ATXN1: variants seen among roughly 807,000 people sequenced by gnomAD.
ATXN1 encodes ataxin-1.
Under a neutral mutation model 56.4 loss-of-function variants are expected in ATXN1, and 8 were observed. That is an observed-to-expected ratio of 0.14 (90% confidence interval 0.08 to 0.26). The LOEUF (loss-of-function observed/expected upper bound fraction) is 0.26, where lower values mean the gene tolerates loss of function less well. Ranked by LOEUF, ATXN1 falls within the 10% of genes least tolerant of loss-of-function variation. The pLI is 1.00. For missense variants in ATXN1, 987 were observed against 1,106.5 expected (o/e 0.89, Z 1.53); for synonymous variants, 514 against 494.6 (o/e 1.04, Z -0.52).
At chr6:16,362,272 A>G (rs1030039242) in intron 6 of ATXN1, among the ~76,000 whole-genome samples, 2 of 152,202 alleles carry the variant, frequency 1.3e-5, no homozygotes, top group Non-Finnish European at 2.9e-5. Context: ...GGCTCTGAAG[A>G]GATGCTTGTA....
In ATXN1 at chr6:16,760,652, G is replaced by A. The variant is rs1761059779; in HGVS notation, c.-730+646C>T. On this transcript the variant is annotated intron_variant, in intron 1 of 7. Coordinates refer to ENST00000436367, the MANE Select transcript of ATXN1 (RefSeq NM_001128164.2). The surrounding 1 kb of genome is among the most constrained non-coding windows in gnomAD (Gnocchi z 5.3). ...CCCCGCCCGCAGCCGCACACCCGGC[G>A]AGGCCGGCCCTCCGAGGGGAGACCC... is the stretch of plus-strand genomic sequence containing the variant. Among the ~76,000 whole-genome samples, 1 of 150,846 alleles carries A rather than the reference G, an allele frequency of 6.6e-6. No homozygotes were observed. Among genetic ancestry groups the A allele is most frequent in the Non-Finnish European group, 1.5e-5 (1 of 67,596 alleles).
In ATXN1 at chr6:16,415,184, A is replaced by C. The variant is rs555438522; in HGVS notation, c.-161+70788T>G. 2.6e-5 allele frequency among the ~76,000 whole-genome samples: 4 copies of C among 152,258 alleles called. No homozygotes were observed. The South Asian group carries it at 8.3e-4, about 32-fold the overall frequency. On this transcript the variant is annotated intron_variant, in intron 6 of 7. Transcript: ENST00000436367. ...ATATAATAAAATAGAAATTTGGCCAATTAATTAATATTAGGCAGTGAAACA... is the reference window on the plus strand; with the variant it reads ...ATATAATAAAATAGAAATTTGGCCACTTAATTAATATTAGGCAGTGAAACA...
intron 2 of ATXN1, among the ~76,000 whole-genome samples, chr6:16,720,761 A>C (rs1186655824): frequency 1.3e-5 from 2 of 152,182 alleles, no homozygotes; most frequent in African/African-American, 4.8e-5. Context: ...CAGCTATGTG[A>C]GCCTGAGTAA....
At chr6:16,707,922 A>C (rs1231991624) in intron 2 of ATXN1, among the ~76,000 whole-genome samples, 1 of 152,250 alleles carries the variant, frequency 6.6e-6, no homozygotes, top group Non-Finnish European at 1.5e-5. Flanking sequence ...CAAAACAAAA[A>C]GTAAAGCCAA....
At chr6:16,441,946 G>T (rs1759525365) in intron 6 of ATXN1, among the ~76,000 whole-genome samples, 2 of 152,232 alleles carry the variant, frequency 1.3e-5, no homozygotes, top group African/African-American at 4.8e-5. Context: ...AATAAAAACA[G>T]CAAATGCTTA....
intron 6 of ATXN1, among the ~76,000 whole-genome samples, chr6:16,465,031 G>A (rs1021527336): frequency 3.9e-5 from 6 of 152,140 alleles, no homozygotes; most frequent in Admixed American, 2.6e-4. Context: ...CAATTTTTCT[G>A]TAAACCTAAA....
intron 6 of ATXN1, among the ~76,000 whole-genome samples, chr6:16,413,394 G>A (rs7770062): frequency 0.13 from 20,149 of 151,840 alleles, 1,424 homozygotes; most frequent in Admixed American, 0.15. Flanking sequence ...AAGAAGATGC[G>A]GCTCGGGACC....
At chr6:16,334,655 T>G (rs1761075777) in intron 6 of ATXN1, among the ~76,000 whole-genome samples, 1 of 152,176 alleles carries the variant, frequency 6.6e-6, no homozygotes, top group African/African-American at 2.4e-5. Flanking sequence ...AGGTTGAGGC[T>G]GCAGTGAGCC....
chr6:16,674,827 G>A (rs1758626064), intron 2 of ATXN1, among the ~76,000 whole-genome samples: 1 of 152,152 alleles, frequency 6.6e-6, no homozygotes, highest in African/African-American at 2.4e-5. Context: ...AATGGCCACT[G>A]TACTGGAGTA....
At chr6:16,664,209 CAT>C (rs1399239591) in intron 2 of ATXN1, among the ~76,000 whole-genome samples, 2 of 152,174 alleles carry the variant, frequency 1.3e-5, no homozygotes, top group South Asian at 4.1e-4. Flanking sequence ...TTTAAAAAAA[CAT>C]ATGCATTTGG....
At chr6:16,395,270 C>CAAAAA (rs748314030) in intron 6 of ATXN1, among the ~76,000 whole-genome samples, 13 of 48,424 alleles carry the variant, frequency 2.7e-4, no homozygotes, top group East Asian at 5.8e-4. Flanking sequence ...AACTCCGTCT[C>CAAAAA]AAAAAAAAAA....
At chr6:16,725,886 G>A (rs1276296799) in intron 2 of ATXN1, among the ~76,000 whole-genome samples, 1 of 152,216 alleles carries the variant, frequency 6.6e-6, no homozygotes, top group Non-Finnish European at 1.5e-5. Flanking sequence ...CAAGGAACAA[G>A]TGCATATGGG....
At chr6:16,740,352 G>A (rs1650964701) in intron 2 of ATXN1, among the ~76,000 whole-genome samples, 1 of 152,130 alleles carries the variant, frequency 6.6e-6, no homozygotes, top group Admixed American at 6.5e-5. Flanking sequence ...TTGCCTAGCA[G>A]AATAAAGCTG....
intron 5 of ATXN1, among the ~76,000 whole-genome samples, chr6:16,508,005 T>C (rs1428907843): frequency 1.3e-5 from 2 of 152,234 alleles, no homozygotes; most frequent in East Asian, 3.8e-4. Flanking sequence ...GTGACAATAA[T>C]GGTCCCCAAT....
At chr6:16,586,405 A>G (rs1581863455) in intron 3 of ATXN1, among the ~76,000 whole-genome samples, 2 of 152,198 alleles carry the variant, frequency 1.3e-5, no homozygotes, top group Admixed American at 1.3e-4. Context: ...GAAACTACAC[A>G]TGCCTCTTTG....
In ATXN1 at chr6:16,755,117, C is replaced by A. The variant is rs1760848572; in HGVS notation, c.-729-1770G>T. Among the ~76,000 whole-genome samples, 4 of 152,292 alleles carry A rather than the reference C, an allele frequency of 2.6e-5. No individual in the cohort carries two copies. The South Asian group carries it at 8.3e-4, about 32-fold the overall frequency. ...CCTGGCAGATAAGGTTTTATAGAGTCCAAGTTACAACCTCCTCCTAGTTTG... is the reference window on the plus strand; with the variant it reads ...CCTGGCAGATAAGGTTTTATAGAGTACAAGTTACAACCTCCTCCTAGTTTG... On this transcript the variant is annotated intron_variant, in intron 1 of 7. Coordinates refer to ENST00000436367, the MANE Select transcript of ATXN1 (RefSeq NM_001128164.2).
At chr6:16,759,496 A>G (rs906422554) in intron 1 of ATXN1, among the ~76,000 whole-genome samples, 3 of 144,488 alleles carry the variant, frequency 2.1e-5, no homozygotes, top group African/African-American at 7.9e-5. Context: ...CTTGTTAGCC[A>G]CATCGCGCAT....
At chr6:16,386,842 G>C (rs180960754) in intron 6 of ATXN1, among the ~76,000 whole-genome samples, 82 of 152,166 alleles carry the variant, frequency 5.4e-4, no homozygotes, top group African/African-American at 1.9e-3. Flanking sequence ...AAAATATTTT[G>C]ATTATTTTTA....
chr6:16,536,456 C>A (rs1761598510), intron 4 of ATXN1, among the ~76,000 whole-genome samples: 1 of 152,100 alleles, frequency 6.6e-6, no homozygotes, highest in African/African-American at 2.4e-5. Context: ...CTGTACAATT[C>A]TTACAATTTA....
Sources: allele counts gnomAD v4.1 joint callset (sites outside exome capture counted in the v4.1 genomes callset), GRCh38; gene constraint gnomAD v4.1.1; non-coding constraint Gnocchi (gnomAD v3.1); transcripts MANE v1.5; gene names NCBI Gene and HGNC (gene_info 2026-07-23, HGNC 2026-07-21).